PDZD7: variants seen among roughly 807,000 people sequenced by gnomAD.
The protein encoded by PDZD7 is PDZ domain-containing protein 7.
A neutral mutation model predicts 84.7 loss-of-function variants in PDZD7; 72 were observed. The ratio of observed to expected loss-of-function variants is 0.85; its 90% confidence interval spans 0.70 to 1.03. PDZD7 has a LOEUF of 1.03. PDZD7 is among the 50% of genes least tolerant of loss of function. PDZD7 has a pLI of 0.00. For missense variants in PDZD7, 1,490 were observed against 1,412.9 expected, an observed-to-expected ratio of 1.05 and a Z score of -0.87; for synonymous variants, 594 against 580.7, an observed-to-expected ratio of 1.02 and a Z score of -0.33.
Position 101,030,060 on chromosome 10 carries a change from G to T in PDZD7, c.160C>A (p.Pro54Thr). 1 of 1,614,074 alleles carries T rather than the reference G, an allele frequency of 6.2e-7. No individual in the cohort carries two copies. The highest frequency in any genetic ancestry group is 8.5e-7 in the Non-Finnish European group (1 of 1,180,026). ...GATGAGGCTCGGATTCCGCGGGGGG[G>T]CCCGTTCAGCAGCCGTTGTTGCTTC... ...LRKQQRLLNG[P>T]PRGIRASSPM... Residue 54 changes from proline to threonine, a missense_variant, in exon 2 of 17, where the codon CCC becomes ACC. Pro to Thr is a conservative substitution (Grantham distance 38). Coordinates refer to ENST00000619208, the MANE Select transcript of PDZD7 (RefSeq NM_001195263.2).
Position 101,012,007 on chromosome 10 carries a change from C to T in PDZD7, c.1851G>A (p.Val617=), listed in dbSNP as rs1293188442. The T allele has an allele frequency of 9.7e-6, 15 of 1,550,380 alleles. No individual in the cohort carries two copies. Among genetic ancestry groups the T allele is most frequent in the Non-Finnish European group, 1.3e-5 (15 of 1,146,880 alleles). Residue 617 remains valine, a synonymous_variant, in exon 13 of 17, where the codon GTG becomes GTA. Transcript: ENST00000619208. The part of the protein sequence containing the change: ...LLLLQDIRSV[V]APTDLGRFDS... ...CGAAGCGGCCCAGGTCTGTGGGGGC[C>T]ACCACACTCCTGGGAGAGGGCGAGA...
chr10:101,012,242 C>A lies in PDZD7; in HGVS notation c.1766G>T (p.Gly589Val). ...CAGGGGCCTCACCAGGTCCTCTATG[C>A]CTCCCTCGTGCACATACTGCAGATA... ...RHCSRYVHEG[G>V]IEDLVRPLLA... The change falls in exon 12 of 17, where the codon GGC becomes GTC. Residue 589 changes from glycine to valine, a missense_variant. Coordinates refer to ENST00000619208, the MANE Select transcript of PDZD7 (RefSeq NM_001195263.2). 1 of 1,550,156 alleles carries A rather than the reference C, an allele frequency of 6.5e-7. No individual in the cohort carries two copies. The highest frequency in any genetic ancestry group is 2.4e-5 in the East Asian group (1 of 40,924).
chr10:101,017,785 T>TAA, intron 9 of PDZD7: 2 of 385,060 alleles, frequency 5.2e-6, no homozygotes, highest in Non-Finnish European at 4.3e-6. Context: ...AAACTCCATC[T>TAA]CAAAAAAAAA....
Position 101,018,193 on chromosome 10 carries a change from C to T in PDZD7, c.1428G>A (p.Arg476=). 1 of 1,614,234 alleles carries T rather than the reference C, an allele frequency of 6.2e-7. No individual in the cohort carries two copies. Among genetic ancestry groups the T allele is most frequent in the Non-Finnish European group, 8.5e-7 (1 of 1,180,042 alleles). Residue 476 remains arginine (R), a synonymous_variant, in exon 9 of 17, where the codon CGG becomes CGA. Coordinates refer to ENST00000619208, the MANE Select transcript of PDZD7 (RefSeq NM_001195263.2). ...GCCCGTCCCGCGCTAGCCTCCCCTG[C>T]CGCCCTCCCTTGAAGAAGAGGTTCA... ...TLMNLFFKGG[R]QGRLARDGRR...
chr10:101,017,884 AAAG>A lies in PDZD7; in HGVS notation c.1522+212_1522+214del, dbSNP rs1171419990. 352 of 213,438 alleles carry A rather than the reference AAAG, an allele frequency of 1.6e-3. 2 individuals are homozygous for A. The highest frequency in any genetic ancestry group is 2.9e-3 in the Non-Finnish European group (302 of 103,806). The allele number at this position is 213,438 out of a possible 1,614,324, so 13.2% of individuals were successfully genotyped here. ...GAAAGAAAGAAAGAAAGAAAGAAAG[AAAG>A]AAAGAAAAGAAAGAAAGAAAGAAAG... is the stretch of plus-strand genomic sequence containing the variant. On this transcript the variant is annotated intron_variant, in intron 9 of 16. Coordinates refer to ENST00000619208, the MANE Select transcript of PDZD7 (RefSeq NM_001195263.2).
intron 6 of PDZD7, 64 bp downstream of exon 6, chr10:101,021,734 C>T: frequency 1.2e-6 from 2 of 1,609,770 alleles, no homozygotes; most frequent in Non-Finnish European, 1.7e-6. Flanking sequence ...TTATTAAGAA[C>T]TAGGGTGGTC....
At chr10:101,011,116 C>G in intron 14 of PDZD7, 1 of 1,308,180 alleles carries the variant, frequency 7.6e-7, no homozygotes, top group Non-Finnish European at 1.0e-6. Context: ...TTTTGGCTCA[C>G]TGCAACCTCC....
chr10:101,018,807 C>T lies in PDZD7; in HGVS notation c.1324+15G>A. 1 of 1,575,796 alleles carries T rather than the reference C, an allele frequency of 6.3e-7. No individual in the cohort carries two copies. The highest frequency in any genetic ancestry group is 1.7e-4 in the Middle Eastern group (1 of 5,910). Reference sequence around the variant, plus strand: ...AGGCTGTGGAGGGAGCAGCCGCCACCCATCCCCCACGTACCCCACAAGGTC... The same window carrying T: ...AGGCTGTGGAGGGAGCAGCCGCCACTCATCCCCCACGTACCCCACAAGGTC... On this transcript the variant is annotated intron_variant, in intron 8 of 16. Coordinates refer to ENST00000619208, the MANE Select transcript of PDZD7 (RefSeq NM_001195263.2).
intron 11 of PDZD7, among the ~76,000 whole-genome samples, chr10:101,013,000 C>T (rs1328170841): frequency 1.3e-5 from 2 of 152,218 alleles, no homozygotes. Context: ...ACATCGCCCC[C>T]TCGTGGCAAG....
intron 14 of PDZD7, chr10:101,011,200 C>T: frequency 1.8e-6 from 1 of 554,812 alleles, no homozygotes; most frequent in Non-Finnish European, 2.8e-6. Context: ...CACCAAAAAG[C>T]CCAGGTCATT....
At chr10:101,011,813 GA>G in intron 13 of PDZD7, 52 bp from the exon 14 acceptor site, 2 of 1,550,538 alleles carry the variant, frequency 1.3e-6, no homozygotes, top group Non-Finnish European at 1.7e-6. Flanking sequence ...CAGGCTCCGG[GA>G]CGGAGGCAGC....
At chr10:101,029,611 CCTT>C (rs746345747) in intron 2 of PDZD7, among the ~76,000 whole-genome samples, 1 of 152,208 alleles carries the variant, frequency 6.6e-6, no homozygotes, top group Non-Finnish European at 1.5e-5. Flanking sequence ...TGGAGGATGT[CCTT>C]CTTTATCCTG....
In PDZD7 at chr10:101,018,849, G is replaced by T. The variant is rs950545512; in HGVS notation, c.1297C>A (p.Arg433Ser). 11 of 1,602,782 alleles carry T rather than the reference G, an allele frequency of 6.9e-6. No individual in the cohort carries two copies. In the African/African-American group the frequency reaches 1.1e-4, roughly 16 times the overall value. The change falls in exon 8 of 17, where the codon CGC becomes AGC. Residue 433 changes from arginine (R) to serine (S), a missense_variant. Physicochemically the swap from Arg to Ser is moderately radical, Grantham distance 110. Transcript: ENST00000619208. ...ALSRPRPPIT[R>S]SQSYLTLWEE... Reference sequence around the variant, plus strand: ...CACAAGGTCAGATAGCTCTGGGAGCGCGTGATGGGGGGCCGGGGTCGGCTG... The same window carrying T: ...CACAAGGTCAGATAGCTCTGGGAGCTCGTGATGGGGGGCCGGGGTCGGCTG...
Position 101,007,839 on chromosome 10 carries a change from T to C in PDZD7, c.*628A>G, listed in dbSNP as rs193301520. 255 of 170,324 alleles carry C rather than the reference T, an allele frequency of 1.5e-3. No homozygotes were observed. Among genetic ancestry groups the C allele is most frequent in the African/African-American group, 6.3e-3 (239 of 38,098 alleles). The allele number at this position is 170,324 out of a possible 1,614,324, so 10.6% of individuals were successfully genotyped here. Reference sequence around the variant, plus strand: ...AAAATTTTTTTGTTTAAAAATAATGTGAATGTGCTGGATAAAGAGTACAGG... The same window carrying C: ...AAAATTTTTTTGTTTAAAAATAATGCGAATGTGCTGGATAAAGAGTACAGG... On this transcript the variant is annotated 3_prime_UTR_variant, in exon 17 of 17. Coordinates refer to ENST00000619208, the MANE Select transcript of PDZD7 (RefSeq NM_001195263.2).
chr10:101,018,237 G>T lies in PDZD7; in HGVS notation c.1384C>A (p.Gln462Lys). 1 of 1,614,178 alleles carries T rather than the reference G, an allele frequency of 6.2e-7. No individual in the cohort carries two copies. Among genetic ancestry groups the T allele is most frequent in the African/African-American group, 1.3e-5 (1 of 75,064 alleles). The change falls in exon 9 of 17, where the codon CAG (glutamine) becomes AAG (lysine). Residue 462 changes from glutamine (Q) to lysine (K), a missense_variant. Physicochemically the swap from Gln to Lys is moderately conservative, Grantham distance 53. Coordinates refer to ENST00000619208, the MANE Select transcript of PDZD7 (RefSeq NM_001195263.2). ...SGSPGEKGALQRSKTLMNLFF... is the reference protein window; with the variant it reads ...SGSPGEKGALKRSKTLMNLFF... Reference sequence around the variant, plus strand: ...AGGTTCATCAGCGTCTTGGAGCGCTGCAGGGCACCCTTCTCCCCAGGGGAC... The same window carrying T: ...AGGTTCATCAGCGTCTTGGAGCGCTTCAGGGCACCCTTCTCCCCAGGGGAC...
In PDZD7 at chr10:101,007,878, C is replaced by CA. The variant is rs1852269232; in HGVS notation, c.*588_*589insT. Reference sequence around the variant, plus strand: ...AAAGAGTACAGGAACTTGTTTGACCCCCCCCCCCCCACCATTTGCTGGCTA... The same window carrying CA: ...AAAGAGTACAGGAACTTGTTTGACCCACCCCCCCCCCACCATTTGCTGGCTA... On this transcript the variant is annotated 3_prime_UTR_variant, in exon 17 of 17. Coordinates refer to ENST00000619208, the MANE Select transcript of PDZD7 (RefSeq NM_001195263.2). 2.9e-5 allele frequency: 2 copies of CA among 68,584 alleles called. No homozygotes were observed. The highest frequency in any genetic ancestry group is 5.7e-5 in the Non-Finnish European group (2 of 35,186). The allele number at this position is 68,584 out of a possible 1,614,324, so 4.2% of individuals were successfully genotyped here.
chr10:101,012,922 G>A (rs747635607), intron 11 of PDZD7, among the ~76,000 whole-genome samples: 3 of 152,202 alleles, frequency 2.0e-5, no homozygotes, highest in African/African-American at 4.8e-5. Flanking sequence ...GGCACTGCCC[G>A]GATGCCACCA....
chr10:101,015,736 TG>T lies in PDZD7; in HGVS notation c.1648del (p.Gln550ArgfsTer20), dbSNP rs1216326862. ...CCGCCGGCTCTCCCAGGCCTGAACC[TG>T]CTCATCCACATTAGGCAGCTGGCTG... ...PSSQLPNVDEQVQAWESRRPL... is the reference protein window; with the variant it reads ...PSSQLPNVDEXVQAWESRRPL... On this transcript the variant is annotated frameshift_variant, in exon 11 of 17. Coordinates refer to ENST00000619208, the MANE Select transcript of PDZD7 (RefSeq NM_001195263.2). LOFTEE classifies it high-confidence loss of function. 6.5e-7 allele frequency: 1 copy of T among 1,550,080 alleles called. No individual in the cohort carries two copies. The highest frequency in any genetic ancestry group is 1.4e-5 in the African/African-American group (1 of 73,018).
At chr10:101,024,191 G>T (rs1937586808) in intron 2 of PDZD7, 123 bp from the exon 3 acceptor site, 3 of 1,376,308 alleles carry the variant, frequency 2.2e-6, no homozygotes, top group Non-Finnish European at 3.1e-6. Flanking sequence ...GCACGTAGGG[G>T]CCTAAATGCA....
Sources: allele counts gnomAD v4.1 joint callset (sites outside exome capture counted in the v4.1 genomes callset), GRCh38; gene constraint gnomAD v4.1.1; transcripts MANE v1.5; gene names NCBI Gene and HGNC (gene_info 2026-07-23, HGNC 2026-07-21).